SORBS2: variants seen among roughly 807,000 people sequenced by gnomAD.
SORBS2 encodes the protein sorbin and SH3 domain-containing protein 2.
SORBS2 carries 46 observed loss-of-function variants against 97.7 expected under a neutral mutation model. That is an observed-to-expected ratio of 0.47 (90% CI 0.37 to 0.60). The LOEUF (loss-of-function observed/expected upper bound fraction) is 0.60. SORBS2 is among the 20% of genes least tolerant of loss of function. SORBS2 has a pLI of 0.00. For synonymous variants in SORBS2, 476 were observed against 473.4 expected (o/e 1.01, Z -0.07); for missense variants, 1,316 against 1,282.3 (o/e 1.03, Z -0.40).
chr4:185,833,591 C>T (rs59792126), intron 1 of SORBS2, among the ~76,000 whole-genome samples: 35,575 of 151,950 alleles, frequency 0.23, 4,844 homozygotes, highest in East Asian at 0.64. Context: ...ACACAAAATA[C>T]AAAAGGATTA....
intron 4 of SORBS2, among the ~76,000 whole-genome samples, chr4:185,667,248 G>A (rs1423754527): frequency 6.6e-6 from 1 of 152,204 alleles, no homozygotes; most frequent in Non-Finnish European, 1.5e-5. Flanking sequence ...AGATGGGAAT[G>A]AATGAAGGAG....
intron 2 of SORBS2, among the ~76,000 whole-genome samples, chr4:185,709,304 C>CTTTTTTT (rs70962587): frequency 0.034 from 3,244 of 96,496 alleles, 275 homozygotes; most frequent in Non-Finnish European, 0.05. Flanking sequence ...CTGGCCAAAT[C>CTTTTTTT]TTTTTTTTTT....
chr4:185,781,552 A>AGCCTCCCTTCCCTTGCCTCCC (rs1560990727), intron 1 of SORBS2, among the ~76,000 whole-genome samples: 3 of 120,026 alleles, frequency 2.5e-5, no homozygotes. Flanking sequence ...CATTGCCTCC[A>AGCCTCCCTTCCCTTGCCTCCC]GCCTCTCCAG....
intron 1 of SORBS2, among the ~76,000 whole-genome samples, chr4:185,804,877 T>TA (rs2099146336): frequency 1.3e-5 from 2 of 152,050 alleles, no homozygotes; most frequent in Non-Finnish European, 2.9e-5. Flanking sequence ...TGGTTTTTTT[T>TA]AACTTGAAAA....
At chr4:185,841,068 G>T (rs371514380) in intron 1 of SORBS2, among the ~76,000 whole-genome samples, 3,688 of 152,266 alleles carry the variant, frequency 0.024, 141 homozygotes, top group African/African-American at 0.084. Flanking sequence ...ACGAAGCAAA[G>T]CAAAGAGGTC....
chr4:185,778,903 G>A (rs912861932), intron 1 of SORBS2, among the ~76,000 whole-genome samples: 3 of 152,124 alleles, frequency 2.0e-5, no homozygotes, highest in East Asian at 1.9e-4. Context: ...TCTGTTATTC[G>A]CTCCACCTCT....
chr4:185,945,560 C>T (rs1195288663), intron 1 of SORBS2, among the ~76,000 whole-genome samples: 1 of 152,222 alleles, frequency 6.6e-6, no homozygotes, highest in Non-Finnish European at 1.5e-5. Flanking sequence ...TACAGATCCT[C>T]TTCTAGTGTT....
chr4:185,898,571 G>A (rs532820202), intron 1 of SORBS2, among the ~76,000 whole-genome samples: 2 of 152,242 alleles, frequency 1.3e-5, no homozygotes, highest in East Asian at 3.9e-4. Context: ...AGTAACGGGT[G>A]GCAAAATAAG....
chr4:185,707,292 G>A (rs1382372483), intron 2 of SORBS2, among the ~76,000 whole-genome samples: 1 of 152,152 alleles, frequency 6.6e-6, no homozygotes, highest in Non-Finnish European at 1.5e-5. Flanking sequence ...GGGAATGCAG[G>A]CAGTTTGGCT....
chr4:185,651,561 C>T (rs2097314201), intron 2 of SORBS2, among the ~76,000 whole-genome samples: 1 of 152,158 alleles, frequency 6.6e-6, no homozygotes, highest in Non-Finnish European at 1.5e-5. Flanking sequence ...TGAGAATAAA[C>T]CAACAGTGGG....
In SORBS2 at chr4:185,908,277, C is replaced by CTA. The variant is rs66526913; in HGVS notation, c.-338+47917_-338+47918dup. Among the ~76,000 whole-genome samples, 539 of 89,398 alleles carry CTA rather than the reference C, an allele frequency of 6.0e-3. 5 individuals are homozygous for CTA. Among genetic ancestry groups the CTA allele is most frequent in the East Asian group, 7.5e-3 (20 of 2,654 alleles). The allele number at this position is 89,398 out of a possible 152,430, so 58.6% of individuals were successfully genotyped here. On this transcript the variant is annotated intron_variant, in intron 1 of 20. Transcript: ENST00000284776. ...AACTACTAGTGAACCCATGCAAAGG[C>CTA]TATATATATATATATATATATATAT... is the stretch of plus-strand genomic sequence containing the variant.
intron 1 of SORBS2, among the ~76,000 whole-genome samples, chr4:185,832,674 C>T (rs941698837): frequency 6.6e-6 from 1 of 152,206 alleles, no homozygotes. Context: ...CTAGGATGTG[C>T]ACAGTTGTAA....
At chr4:185,868,993 G>A (rs930084344) in intron 1 of SORBS2, among the ~76,000 whole-genome samples, 1 of 152,120 alleles carries the variant, frequency 6.6e-6, no homozygotes, top group Non-Finnish European at 1.5e-5. Flanking sequence ...ATACACAATC[G>A]CAGCAAACTT....
At chr4:185,703,984 G>C (rs1348342799) in intron 2 of SORBS2, among the ~76,000 whole-genome samples, 1 of 152,142 alleles carries the variant, frequency 6.6e-6, no homozygotes. Context: ...CAGGGTCCTA[G>C]TTTAATGAAT....
intron 1 of SORBS2, among the ~76,000 whole-genome samples, chr4:185,804,043 C>T (rs1206565238): frequency 3.3e-5 from 5 of 152,218 alleles, no homozygotes; most frequent in South Asian, 2.1e-4. Context: ...TTTTTGGTTG[C>T]GTCATGTTTC....
At chr4:185,947,054 C>T (rs1463410686) in intron 1 of SORBS2, among the ~76,000 whole-genome samples, 1 of 152,194 alleles carries the variant, frequency 6.6e-6, no homozygotes, top group African/African-American at 2.4e-5. Flanking sequence ...AGGGTAAAAT[C>T]GGATCAAGGA....
chr4:185,941,404 C>T (rs530427826), intron 1 of SORBS2, among the ~76,000 whole-genome samples: 13 of 152,256 alleles, frequency 8.5e-5, no homozygotes, highest in Admixed American at 6.5e-4. Context: ...TGTCTTTTCC[C>T]ACTAATATAC....
At chr4:185,723,274 GA>G (rs1409211337) in intron 2 of SORBS2, among the ~76,000 whole-genome samples, 2 of 152,194 alleles carry the variant, frequency 1.3e-5, no homozygotes, top group East Asian at 3.8e-4. Flanking sequence ...CAACTTCGCT[GA>G]AAACACAGAG....
chr4:185,906,030 G>A (rs2099250604), intron 1 of SORBS2, among the ~76,000 whole-genome samples: 1 of 152,044 alleles, frequency 6.6e-6, no homozygotes, highest in Non-Finnish European at 1.5e-5. Context: ...CACACCATGT[G>A]GTCCACTCCC....
Sources: gnomAD v4.1 joint callset for allele counts (sites outside exome capture counted in the v4.1 genomes callset) on GRCh38, gnomAD v4.1.1 for gene constraint, MANE v1.5 for transcripts, NCBI Gene and HGNC (gene_info 2026-07-23, HGNC 2026-07-21) for gene names.